IGSF10: variants seen among roughly 807,000 people sequenced by gnomAD.
IGSF10 encodes the protein immunoglobulin superfamily member 10, also known as calvaria mechanical force protein 608.
Under a neutral mutation model 128.2 loss-of-function variants are expected in IGSF10, and 126 were observed. That is an observed-to-expected ratio of 0.98 (90% CI 0.85 to 1.14). The LOEUF is 1.14. Among genes scored for constraint, IGSF10 ranks in the 50% most tolerant of loss-of-function variants. The probability of loss-of-function intolerance (pLI) is 0.00; values close to 1 mark genes in which losing one functional copy is unlikely to be tolerated. For missense variants in IGSF10, 3,295 were observed against 3,149.8 expected, an observed-to-expected ratio of 1.05 and a Z score of -1.10; for synonymous variants, 1,185 against 1,146.2, an observed-to-expected ratio of 1.03 and a Z score of -0.68.
At chr3:151,550,447 A>T in the IGSF10 span, among the ~76,000 whole-genome samples, 1 of 152,188 alleles carries the variant, frequency 6.6e-6, no homozygotes, top group Non-Finnish European at 1.5e-5. Flanking sequence ...GGACAAGAGA[A>T]AGGGCATTTG....
At chr3:151,604,357 T>C in the IGSF10 span, among the ~76,000 whole-genome samples, 1 of 152,116 alleles carries the variant, frequency 6.6e-6, no homozygotes, top group Non-Finnish European at 1.5e-5. Flanking sequence ...AAGCTAATTT[T>C]AGTTTACCTT....
At chr3:151,594,262 T>A in the IGSF10 span, among the ~76,000 whole-genome samples, 1 of 151,636 alleles carries the variant, frequency 6.6e-6, no homozygotes, top group African/African-American at 2.4e-5. Flanking sequence ...GTGAATGTAA[T>A]AGCAGCAGAG....
chr3:151,444,699 A>T (rs1721079299), intron 6 of IGSF10, among the ~76,000 whole-genome samples: 1 of 152,236 alleles, frequency 6.6e-6, no homozygotes, highest in Non-Finnish European at 1.5e-5. Flanking sequence ...TATTACTTTG[A>T]ATCAGCTTTT....
the IGSF10 span, among the ~76,000 whole-genome samples, chr3:151,601,030 GA>G: frequency 0.014 from 2,005 of 138,742 alleles, 10 homozygotes; most frequent in Middle Eastern, 0.053. Context: ...TTGTAGACAG[GA>G]AAAAAAAAAA....
the IGSF10 span, among the ~76,000 whole-genome samples, chr3:151,537,991 C>T: frequency 2.0e-5 from 3 of 152,192 alleles, no homozygotes; most frequent in African/African-American, 7.2e-5. Context: ...ATGAGCCCTC[C>T]TGCTTCCTCA....
chr3:151,564,048 C>G, the IGSF10 span, among the ~76,000 whole-genome samples: 29 of 152,162 alleles, frequency 1.9e-4, no homozygotes, highest in African/African-American at 6.8e-4. Context: ...CTAAACACAT[C>G]TTTGCTCGCT....
downstream of IGSF10, chr3:151,432,646 T>G (rs1429760658): frequency 1.2e-6 from 1 of 816,258 alleles, no homozygotes; most frequent in African/African-American, 1.7e-5. Context: ...GCCATTCTGT[T>G]TCCCTGTACC....
At chr3:151,543,639 G>A in the IGSF10 span, among the ~76,000 whole-genome samples, 4 of 152,128 alleles carry the variant, frequency 2.6e-5, no homozygotes, top group African/African-American at 7.2e-5. Flanking sequence ...CCAAGCCCCT[G>A]TGCACAGTGT....
intron 5 of IGSF10, among the ~76,000 whole-genome samples, chr3:151,452,142 G>A (rs1035556400): frequency 6.6e-5 from 10 of 152,208 alleles, no homozygotes; most frequent in African/African-American, 2.4e-4. Context: ...CAGTCAAAAG[G>A]ATAACACTTG....
At chr3:151,499,847 G>A in the IGSF10 span, 3 of 152,090 alleles carry the variant, frequency 2.0e-5, no homozygotes, top group Non-Finnish European at 2.9e-5. Context: ...AGGACTTGAT[G>A]GGTTTGCCTG....
chr3:151,470,534 T>G, the IGSF10 span, among the ~76,000 whole-genome samples: 1 of 152,340 alleles, frequency 6.6e-6, no homozygotes, highest in African/African-American at 2.4e-5. Flanking sequence ...AAGACAGTCA[T>G]GAGCAGGCTG....
At chr3:151,489,132 GAAAC>G in the IGSF10 span, among the ~76,000 whole-genome samples, 12 of 151,936 alleles carry the variant, frequency 7.9e-5, no homozygotes, top group African/African-American at 2.2e-4. Flanking sequence ...TTACAGGAAA[GAAAC>G]AAACAACCTC....
At chr3:151,544,421 C>T in the IGSF10 span, among the ~76,000 whole-genome samples, 1 of 152,180 alleles carries the variant, frequency 6.6e-6, no homozygotes, top group Non-Finnish European at 1.5e-5. Flanking sequence ...TTTGGTATAG[C>T]AACCTCTAAA....
downstream of IGSF10, chr3:151,434,918 A>AGTT (rs1264323378): frequency 6.6e-6 from 1 of 152,208 alleles, no homozygotes; most frequent in Admixed American, 6.5e-5. Context: ...TAGGTGAGGA[A>AGTT]GTTATGCTAC....
the IGSF10 span, among the ~76,000 whole-genome samples, chr3:151,585,345 T>C: frequency 3.9e-5 from 6 of 152,358 alleles, no homozygotes; most frequent in Admixed American, 6.5e-5. Flanking sequence ...ATATGTGTCT[T>C]GCATTATATT....
chr3:151,555,158 A>G, the IGSF10 span, among the ~76,000 whole-genome samples: 1 of 152,188 alleles, frequency 6.6e-6, no homozygotes, highest in Non-Finnish European at 1.5e-5. Context: ...ATTAATAGTG[A>G]CAAAACGTGT....
rs760625823 is a variant in IGSF10 at position 151,436,817 on chromosome 3, C to CACTT, written c.7740_7743dup (p.Glu2582LysfsTer2). On this transcript the variant is annotated frameshift_variant, in exon 8 of 8. Transcript: ENST00000282466. LOFTEE classifies it low-confidence loss of function (END_TRUNC). ...AGGGTACCTTGTAAGTGAAGCTGCT[C>CACTT]ACTTCCATGTGTCCTCTCTTTACTT... is the stretch of plus-strand genomic sequence containing the variant. 9.3e-6 allele frequency: 15 copies of CACTT among 1,614,148 alleles called. No individual in the cohort carries two copies. In the South Asian group the frequency reaches 1.3e-4, roughly 14 times the overall value.
chr3:151,460,682 A>G (rs1474111744), intron 1 of IGSF10, among the ~76,000 whole-genome samples: 1 of 151,642 alleles, frequency 6.6e-6, no homozygotes, highest in African/African-American at 2.4e-5. Flanking sequence ...TCTTTTTTGG[A>G]CAAATCTGTC....
the IGSF10 span, among the ~76,000 whole-genome samples, chr3:151,509,621 C>G: frequency 2.2e-4 from 33 of 152,196 alleles, no homozygotes; most frequent in Admixed American, 9.2e-4. Flanking sequence ...GAGTGCCGGA[C>G]AGTGTGTGCA....
Sources: gnomAD v4.1 joint callset for allele counts (sites outside exome capture counted in the v4.1 genomes callset) on GRCh38, gnomAD v4.1.1 for gene constraint, MANE v1.5 for transcripts, NCBI Gene and HGNC (gene_info 2026-07-23, HGNC 2026-07-21) for gene names.